SFXN3: variants seen among roughly 807,000 people sequenced by gnomAD.
SFXN3 encodes sideroflexin 3.
A neutral mutation model predicts 40.4 loss-of-function variants in SFXN3; 31 were observed. That is an observed-to-expected ratio of 0.77 (90% CI 0.58 to 1.04). The LOEUF is 1.04. Among genes scored for constraint, SFXN3 ranks in the 50% least tolerant of loss-of-function variants. SFXN3 has a pLI of 0.00. For missense variants in SFXN3, 366 were observed against 408.2 expected, an observed-to-expected ratio of 0.90 and a Z score of 0.89; for synonymous variants, 157 against 160.0, an observed-to-expected ratio of 0.98 and a Z score of 0.14.
At position 101,035,489 on chromosome 10, in the gene SFXN3, T is replaced by C. The variant is rs767477721; in HGVS notation, c.162-8T>C. 1.5e-5 allele frequency: 24 copies of C among 1,595,518 alleles called. 1 individual carries two copies. In the South Asian group the frequency reaches 2.7e-4, roughly 18 times the overall value. On this transcript the variant is annotated splice_polypyrimidine_tract_variant and splice_region_variant and intron_variant, in intron 3 of 11. Coordinates refer to ENST00000393459, the Ensembl canonical transcript of SFXN3. ...CATAGCCTGTCTGCTCCTTGCCAAC[T>C]TCTGCAGGGCCGGCGTGGTGACCCC...
In SFXN3 at chr10:101,039,268, T is replaced by G. The variant is rs1938781281; in HGVS notation, c.869+46T>G. 3.9e-6 allele frequency: 6 copies of G among 1,540,480 alleles called. No homozygotes were observed. The highest frequency in any genetic ancestry group is 1.7e-4 in the Middle Eastern group (1 of 5,794). ...GGGTGGGGGACTCTGGATTGGACTCTGCATCTCTGGACCAGCTGACCTAGG... is the reference window on the plus strand; with the variant it reads ...GGGTGGGGGACTCTGGATTGGACTCGGCATCTCTGGACCAGCTGACCTAGG... On this transcript the variant is annotated intron_variant, in intron 11 of 11. Transcript: ENST00000393459. This position sits in a 1 kb window ranked among gnomAD's most constrained non-coding sequence, Gnocchi z 4.6.
rs1275369438 is a variant in SFXN3, at chr10:101,034,183, A to G, written c.-3-509A>G. 2.0e-5 allele frequency among the ~76,000 whole-genome samples: 3 copies of G among 151,998 alleles called. No individual in the cohort carries two copies. The East Asian group carries it at 5.8e-4, about 29-fold the overall frequency. Reference sequence around the variant, plus strand: ...GGCCATATTTCAGACTATGCATGGGAAGAAACCTTGGACGATACCCCGCTT... The same window carrying G: ...GGCCATATTTCAGACTATGCATGGGGAGAAACCTTGGACGATACCCCGCTT... On this transcript the variant is annotated intron_variant, in intron 2 of 11. Transcript: ENST00000393459.
chr10:101,037,018 G>A (rs1037149467), intron 7 of SFXN3, 58 bp from the exon 8 acceptor site: 16 of 1,602,958 alleles, frequency 1.0e-5, no homozygotes, highest in Non-Finnish European at 1.3e-5. Flanking sequence ...CTGCTCATTC[G>A]GGCATTGCAG....
chr10:101,036,365 T>G lies in SFXN3; in HGVS notation c.432-121T>G. On this transcript the variant is annotated intron_variant, in intron 5 of 11. Coordinates refer to ENST00000393459, the Ensembl canonical transcript of SFXN3. This position sits in a 1 kb window ranked among gnomAD's most constrained non-coding sequence, Gnocchi z 4.2. ...TTACGCCGGAGATGGAGGGAAGGCT[T>G]CTTCTGCAAGGAGCTTCCCCTTTTA... 1.0e-6 allele frequency: 1 copy of G among 973,752 alleles called. No individual in the cohort carries two copies. The highest frequency in any genetic ancestry group is 1.5e-5 in the South Asian group (1 of 65,590). The allele number at this position is 973,752 out of a possible 1,614,324, so 60.3% of individuals were successfully genotyped here.
chr10:101,031,708 C>T (rs1037319028), intron 1 of SFXN3, among the ~76,000 whole-genome samples, 174 bp downstream of exon 1: 1 of 152,146 alleles, frequency 6.6e-6, no homozygotes, highest in African/African-American at 2.4e-5. Flanking sequence ...CGGATGCAGA[C>T]CGCGAGGTTC....
intron 2 of SFXN3, among the ~76,000 whole-genome samples, chr10:101,034,295 T>C (rs1037270862): frequency 6.6e-6 from 1 of 152,196 alleles, no homozygotes; most frequent in Non-Finnish European, 1.5e-5. Context: ...TTTTACCAAG[T>C]ATACTGCTTG....
Position 101,039,722 on chromosome 10 carries a change from C to G in SFXN3, c.*137C>G, listed in dbSNP as rs1482832357. On this transcript the variant is annotated 3_prime_UTR_variant, in exon 12 of 12. Coordinates refer to ENST00000393459, the Ensembl canonical transcript of SFXN3. This position sits in a 1 kb window ranked among gnomAD's most constrained non-coding sequence, Gnocchi z 4.6. ...GCAGATGGCAATTGAGGGTAGCAAC[C>G]TATTAGGGTGGGGGAGGGACCTCCA... 8 of 774,546 alleles carry G rather than the reference C, an allele frequency of 1.0e-5. No homozygotes were observed. The highest frequency in any genetic ancestry group is 1.7e-5 in the African/African-American group (1 of 57,944). 48.0% of individuals were successfully genotyped at this position (774,546 alleles called of 1,614,324 possible).
chr10:101,038,223 G>A (rs1938713111), intron 9 of SFXN3: 2 of 1,066,416 alleles, frequency 1.9e-6, no homozygotes, highest in Non-Finnish European at 2.3e-6. Flanking sequence ...CAGGTTGGTG[G>A]TCCCTGTGGC....
chr10:101,038,910 A>G (rs931561336), intron 10 of SFXN3, among the ~76,000 whole-genome samples: 2 of 152,122 alleles, frequency 1.3e-5, no homozygotes, highest in African/African-American at 4.8e-5. Context: ...GTCTTCATCT[A>G]TAAGAGGAAA....
exon 3 of SFXN3, chr10:101,034,841 C>A (rs1311725022): frequency 6.2e-7 from 1 of 1,614,048 alleles, no homozygotes; most frequent in South Asian, 1.1e-5. Flanking sequence ...CTCGGAACAT[C>A]GTGCAGAACT....
In SFXN3 at chr10:101,038,568, G is replaced by A. The variant is rs1181120389; in HGVS notation, c.772-75G>A. The A allele has an allele frequency of 2.6e-5, 42 of 1,612,906 alleles. 1 individual carries two copies. The highest frequency in any genetic ancestry group is 2.2e-5 in the Non-Finnish European group (26 of 1,179,880). On this transcript the variant is annotated intron_variant, in intron 9 of 11. Transcript: ENST00000393459. ...TCCAAGGCAAGGCTGATGGGATAGAGCTATGGTGGGTGAAATGGGGTGACA... is the reference window on the plus strand; with the variant it reads ...TCCAAGGCAAGGCTGATGGGATAGAACTATGGTGGGTGAAATGGGGTGACA...
At chr10:101,035,861 C>T in intron 4 of SFXN3, 142 bp from the exon 5 acceptor site, 1 of 1,094,924 alleles carries the variant, frequency 9.1e-7, no homozygotes, top group African/African-American at 1.6e-5. Context: ...GGTGGGGGTA[C>T]ATAGGGGTTA....
At chr10:101,040,219 TC>T (rs1240240297) in exon 12 of SFXN3, 5 of 154,016 alleles carry the variant, frequency 3.2e-5, no homozygotes, top group African/African-American at 1.2e-4. Flanking sequence ...TAGCTCCATT[TC>T]CCCTCCTCCT....
intron 9 of SFXN3, 83 bp downstream of exon 9, chr10:101,037,514 C>T: frequency 6.2e-7 from 1 of 1,612,732 alleles, no homozygotes; most frequent in Admixed American, 1.7e-5. Flanking sequence ...CCAGCCTCGC[C>T]TGATTCTCTA....
In SFXN3 at chr10:101,034,228, T is replaced by G. The variant is rs79928699; in HGVS notation, c.-3-464T>G. On this transcript the variant is annotated intron_variant, in intron 2 of 11. Coordinates refer to ENST00000393459, the Ensembl canonical transcript of SFXN3. The stretch of plus-strand genomic sequence containing the variant: ...CCGCTTTCAAGGGCAGAAGTCCCTG[T>G]GGCTTTCCGCAGTTAATTGTGCCCC... Among the ~76,000 whole-genome samples, 1,368 of 152,312 alleles carry G rather than the reference T, an allele frequency of 9.0e-3. 21 individuals carry two copies. Among genetic ancestry groups the G allele is most frequent in the African/African-American group, 0.032 (1,327 of 41,568 alleles).
chr10:101,034,894 C>A (rs368195729), intron 3 of SFXN3, 39 bp downstream of exon 3: 2 of 1,596,280 alleles, frequency 1.3e-6, no homozygotes, highest in South Asian at 1.1e-5. Flanking sequence ...GCCAGGATCT[C>A]ATTTTCTGTG....
chr10:101,038,544 C>T, intron 9 of SFXN3, 99 bp from the exon 10 acceptor site: 1 of 1,606,860 alleles, frequency 6.2e-7, no homozygotes, highest in Non-Finnish European at 8.5e-7. Flanking sequence ...TCTAAGGGCT[C>T]CAAGGCAAGG....
rs1938805556 is a variant in SFXN3 at position 101,039,630 on chromosome 10, C to A, written c.*45C>A. Reference sequence around the variant, plus strand: ...CCTCCCTCACTTCCTTGGGCTGCTGCTTTAGTGGAGTCATGTCACCCCTAC... The same window carrying A: ...CCTCCCTCACTTCCTTGGGCTGCTGATTTAGTGGAGTCATGTCACCCCTAC... On this transcript the variant is annotated 3_prime_UTR_variant, in exon 12 of 12. Transcript: ENST00000393459. The surrounding 1 kb of genome is among the most constrained non-coding windows in gnomAD (Gnocchi z 4.6). 6.4e-7 allele frequency: 1 copy of A among 1,573,804 alleles called. No homozygotes were observed. Among genetic ancestry groups the A allele is most frequent in the Non-Finnish European group, 8.7e-7 (1 of 1,143,380 alleles).
In SFXN3 at chr10:101,036,974, A is replaced by G; in HGVS notation, c.594-102A>G. The G allele has an allele frequency of 1.9e-6, 3 of 1,549,446 alleles. No homozygotes were observed. Among genetic ancestry groups the G allele is most frequent in the Non-Finnish European group, 2.6e-6 (3 of 1,146,606 alleles). ...CCTCAGGTGGGAGAACCAGCCTTTG[A>G]GCCTGGGGTGTGTGAGGGGACCCTG... On this transcript the variant is annotated intron_variant, in intron 7 of 11. Transcript: ENST00000393459. The surrounding 1 kb of genome is among the most constrained non-coding windows in gnomAD (Gnocchi z 4.2).
Sources: gnomAD v4.1 joint callset for allele counts (sites outside exome capture counted in the v4.1 genomes callset) on GRCh38, gnomAD v4.1.1 for gene constraint, Gnocchi (gnomAD v3.1) non-coding constraint, MANE v1.5 for transcripts, NCBI Gene and HGNC (gene_info 2026-07-23, HGNC 2026-07-21) for gene names.